Variants in CPSF2 observed in about 807,000 individuals in gnomAD.
The protein encoded by CPSF2 is cleavage and polyadenylation specificity factor subunit 2.
In CPSF2, 51 loss-of-function variants were observed where a neutral mutation model predicts 84.2. The observed-to-expected ratio is 0.61, with a 90% CI of 0.48 to 0.77. The LOEUF is 0.77. Ranked by LOEUF, CPSF2 falls within the 30% of genes least tolerant of loss-of-function variation. The pLI is 0.00. For synonymous variants in CPSF2, 286 were observed against 311.9 expected (o/e 0.92, Z 0.87); for missense variants, 641 against 929.4 (o/e 0.69, Z 4.03).
chr14:92,169,642 A>G lies in CPSF2; in HGVS notation c.*7898A>G, dbSNP rs1199579598. On this transcript the variant is annotated 3_prime_UTR_variant, in exon 16 of 16. Coordinates refer to ENST00000298875, the MANE Select transcript of CPSF2 (RefSeq NM_017437.3). Reference sequence around the variant, plus strand: ...AATTCAAATTCTTAAGGTTTTTCTTATATGTGATTTTTTTTTTTTTTTTTT... The same window carrying G: ...AATTCAAATTCTTAAGGTTTTTCTTGTATGTGATTTTTTTTTTTTTTTTTT... 2 of 139,960 alleles carry G rather than the reference A, an allele frequency of 1.4e-5. No homozygotes were observed. The highest frequency in any genetic ancestry group is 4.8e-4 in the East Asian group (2 of 4,134). The allele number at this position is 139,960 out of a possible 1,614,324, so 8.7% of individuals were successfully genotyped here.
intron 7 of CPSF2, among the ~76,000 whole-genome samples, chr14:92,141,230 A>T (rs56382672): frequency 0.022 from 3,316 of 152,314 alleles, 128 homozygotes; most frequent in African/African-American, 0.076. Context: ...AGTAAAAAAA[A>T]ACAGTGTAAC....
At position 92,143,004 on chromosome 14, in the gene CPSF2, G is replaced by A. The variant is rs375811121; in HGVS notation, c.850G>A (p.Val284Ile). The A allele has an allele frequency of 2.5e-6, 4 of 1,604,698 alleles. No homozygotes were observed. Among genetic ancestry groups the A allele is most frequent in the Non-Finnish European group, 3.4e-6 (4 of 1,173,346 alleles). ...CTTGTCATCTTTCCCCCCATGTTAG[G>A]TAGAATGGATGAGTGATAAATTGAT... Reference protein sequence around the residue: ...YNVVEFSKSQVEWMSDKLMRC... With the variant: ...YNVVEFSKSQIEWMSDKLMRC... Residue 284 changes from valine (V) to isoleucine (I), a missense_variant and splice_region_variant, in exon 9 of 16, where the codon GTA becomes ATA. Val to Ile is a conservative substitution (Grantham distance 29, BLOSUM62 3). Around this residue, in one of 2 missense-constraint regions of CPSF2, gnomAD observed 211 missense variants for 375.7 expected, o/e 0.56. Transcript: ENST00000298875.
intron 9 of CPSF2, among the ~76,000 whole-genome samples, chr14:92,147,332 A>G (rs1595061042): frequency 6.6e-6 from 1 of 152,232 alleles, no homozygotes; most frequent in South Asian, 2.1e-4. Flanking sequence ...ACTCATTTAG[A>G]AAAAGCAAAA....
At position 92,155,430 on chromosome 14, in the gene CPSF2, G is replaced by A. The variant is rs2069277274; in HGVS notation, c.1442+107G>A. 1.2e-5 allele frequency: 11 copies of A among 906,986 alleles called. No homozygotes were observed. The South Asian group carries it at 1.5e-4, about 13-fold the overall frequency. 56.2% of individuals were successfully genotyped at this position (906,986 alleles called of 1,614,324 possible). ...TTTCACTTGATCTTTCTAGTCACAT[G>A]TATGGGGTTAGCTTCTGAGTACCTC... On this transcript the variant is annotated intron_variant, in intron 11 of 15. Transcript: ENST00000298875.
chr14:92,163,234 A>T lies in CPSF2; in HGVS notation c.*1490A>T, dbSNP rs945634128. Reference sequence around the variant, plus strand: ...TTAGATTTTTGGAAGGATCGATCTTATTTAACTATGTGTGGAACAACCCAG... The same window carrying T: ...TTAGATTTTTGGAAGGATCGATCTTTTTTAACTATGTGTGGAACAACCCAG... On this transcript the variant is annotated 3_prime_UTR_variant, in exon 16 of 16. Transcript: ENST00000298875. 2 of 152,194 alleles carry T rather than the reference A, an allele frequency of 1.3e-5. No individual in the cohort carries two copies. The highest frequency in any genetic ancestry group is 2.9e-5 in the Non-Finnish European group (2 of 68,028). 9.4% of individuals were successfully genotyped at this position (152,194 alleles called of 1,614,324 possible). A position where few individuals can be genotyped will look rare whatever the true frequency, so the allele number is the denominator to read the frequency against.
At chr14:92,123,484 C>T (rs1440459353) in intron 1 of CPSF2, among the ~76,000 whole-genome samples, 1 of 151,796 alleles carries the variant, frequency 6.6e-6, no homozygotes, top group Non-Finnish European at 1.5e-5. Flanking sequence ...CTGCAACTTC[C>T]GCCTCCTGGG....
Position 92,134,127 on chromosome 14 carries a change from C to T in CPSF2, c.266C>T (p.Pro89Leu). Reference protein sequence around the residue: ...GLNCAIYATIPVYKMGQMFMY... With the variant: ...GLNCAIYATILVYKMGQMFMY... ...AACTGTGCTATCTATGCAACCATTC[C>T]TGTTTATAAAATGGGACAGATGTTC... The change falls in exon 4 of 16, where the codon CCT becomes CTT. Residue 89 changes from proline to leucine, a missense_variant. By Grantham distance (98) the Pro-to-Leu change is moderately conservative (BLOSUM62 -3). Around this residue, in one of 2 missense-constraint regions of CPSF2, gnomAD observed 211 missense variants for 375.7 expected, o/e 0.56. Coordinates refer to ENST00000298875, the MANE Select transcript of CPSF2 (RefSeq NM_017437.3). 6.2e-7 allele frequency: 1 copy of T among 1,614,134 alleles called. No homozygotes were observed. The highest frequency in any genetic ancestry group is 1.1e-5 in the South Asian group (1 of 91,084).
rs1438522202 is a variant in CPSF2 at position 92,165,253 on chromosome 14, T to G, written c.*3509T>G. 1 of 152,120 alleles carries G rather than the reference T, an allele frequency of 6.6e-6. No individual in the cohort carries two copies. Among genetic ancestry groups the G allele is most frequent in the African/African-American group, 2.4e-5 (1 of 41,442 alleles). The allele number at this position is 152,120 out of a possible 1,614,324, so 9.4% of individuals were successfully genotyped here. On this transcript the variant is annotated 3_prime_UTR_variant, in exon 16 of 16. Coordinates refer to ENST00000298875, the MANE Select transcript of CPSF2 (RefSeq NM_017437.3). ...CATTCATGTGCAAGTTTTTTTTTTT[T>G]TGTATGTACATATGTTTTCAATTTT...
chr14:92,157,822 A>G lies in CPSF2; in HGVS notation c.1759A>G (p.Lys587Glu), dbSNP rs1567026215. The G allele has an allele frequency of 6.2e-7, 1 of 1,614,238 alleles. No homozygotes were observed. The change falls in exon 13 of 16, where the codon AAA (lysine) becomes GAA (glutamate). Residue 587 changes from lysine (K) to glutamate (E), a missense_variant. Around this residue, in one of 2 missense-constraint regions of CPSF2, gnomAD observed 430 missense variants for 553.6 expected, o/e 0.78. Coordinates refer to ENST00000298875, the MANE Select transcript of CPSF2 (RefSeq NM_017437.3). The surrounding 1 kb of genome is among the most constrained non-coding windows in gnomAD (Gnocchi z 4.0). ...CCRAFGGKDI[K>E]VYMPKLHETV... ...TCGCGCCTTTGGTGGGAAAGATATTAAAGTGTACATGCCAAAGCTACATGA... is the reference window on the plus strand; with the variant it reads ...TCGCGCCTTTGGTGGGAAAGATATTGAAGTGTACATGCCAAAGCTACATGA...
At chr14:92,148,525 T>A (rs2069171245) in intron 9 of CPSF2, among the ~76,000 whole-genome samples, 1 of 152,134 alleles carries the variant, frequency 6.6e-6, no homozygotes, top group Admixed American at 6.6e-5. Context: ...TCCTTTTTTG[T>A]CCAGGTTCGC....
At chr14:92,129,523 T>G (rs1290502333) in intron 2 of CPSF2, among the ~76,000 whole-genome samples, 3 of 152,240 alleles carry the variant, frequency 2.0e-5, no homozygotes, top group African/African-American at 7.2e-5. Flanking sequence ...TGAGTAGTGG[T>G]AAGAAATTAT....
At chr14:92,130,688 C>G (rs1046960939) in intron 2 of CPSF2, among the ~76,000 whole-genome samples, 16 of 152,130 alleles carry the variant, frequency 1.1e-4, no homozygotes, top group African/African-American at 3.9e-4. Flanking sequence ...GCAACATTCA[C>G]TACCCCACTA....
chr14:92,134,837 A>G (rs74074429), intron 5 of CPSF2, among the ~76,000 whole-genome samples: 1,865 of 152,328 alleles, frequency 0.012, 40 homozygotes, highest in African/African-American at 0.042. Flanking sequence ...ATTGTATTAG[A>G]TATTTTCATA....
At chr14:92,142,105 T>C in intron 7 of CPSF2, 59 bp from the exon 8 acceptor site, 1 of 1,248,240 alleles carries the variant, frequency 8.0e-7, no homozygotes, top group Non-Finnish European at 1.1e-6. Context: ...AAAATTATCT[T>C]TAATTTTGTA....
chr14:92,160,124 G>A (rs1407767388), intron 14 of CPSF2, among the ~76,000 whole-genome samples: 6 of 152,112 alleles, frequency 3.9e-5, no homozygotes, highest in South Asian at 2.1e-4. Context: ...CACTGGGCCC[G>A]GCTAGTTTTT....
rs907296930 is a variant in CPSF2, at chr14:92,145,242, T to G, written c.1140+1948T>G. Among the ~76,000 whole-genome samples the G allele has an allele frequency of 2.0e-5, 3 of 152,158 alleles. No homozygotes were observed. The South Asian group carries it at 6.2e-4, about 31-fold the overall frequency. ...TTTGTCTTTGTAGCACTCATATAATTATTTAATTAGAGACAGACTCTCACT... is the reference window on the plus strand; with the variant it reads ...TTTGTCTTTGTAGCACTCATATAATGATTTAATTAGAGACAGACTCTCACT... On this transcript the variant is annotated intron_variant, in intron 9 of 15. Transcript: ENST00000298875.
At chr14:92,161,353 T>C (rs2069369580) in intron 15 of CPSF2, 107 bp downstream of exon 15, 1 of 1,298,516 alleles carries the variant, frequency 7.7e-7, no homozygotes, top group Non-Finnish European at 1.1e-6. Context: ...TGAAGATCAG[T>C]AATTTATATT....
chr14:92,131,859 A>G (rs1237489328), intron 3 of CPSF2, among the ~76,000 whole-genome samples: 1 of 152,176 alleles, frequency 6.6e-6, no homozygotes. Context: ...AAGATAAAAT[A>G]AAAAGTCAAT....
rs577597357 is a variant in CPSF2 at position 92,156,105 on chromosome 14, T to C, written c.1443-374T>C. 1.6e-3 allele frequency among the ~76,000 whole-genome samples: 250 copies of C among 152,192 alleles called. 1 individual carries two copies. The highest frequency in any genetic ancestry group is 3.5e-3 in the Admixed American group (53 of 15,292). ...GAGTTCAGGACCAGCCTGGCCAAGATGGTGAAACCACATCTCCACTAAAAA... is the reference window on the plus strand; with the variant it reads ...GAGTTCAGGACCAGCCTGGCCAAGACGGTGAAACCACATCTCCACTAAAAA... On this transcript the variant is annotated intron_variant, in intron 11 of 15. Transcript: ENST00000298875.
Sources: allele counts gnomAD v4.1 joint callset (sites outside exome capture counted in the v4.1 genomes callset), GRCh38; gene constraint gnomAD v4.1.1; regional missense constraint gnomAD v4.1.1; non-coding constraint Gnocchi (gnomAD v3.1); transcripts MANE v1.5; gene names NCBI Gene and HGNC (gene_info 2026-07-23, HGNC 2026-07-21).